NUP160: variants seen among roughly 807,000 people sequenced by gnomAD.
NUP160 encodes the protein nucleoporin 160.
NUP160 carries 94 observed loss-of-function variants against 196.9 expected under a neutral mutation model. The ratio of observed to expected loss-of-function variants is 0.48; its 90% CI spans 0.40 to 0.57. NUP160 has a LOEUF of 0.57. Ranked by LOEUF, NUP160 falls within the 20% of genes least tolerant of loss-of-function variation. The pLI is 0.00. For missense variants in NUP160, 1,638 were observed against 1,748.3 expected (o/e 0.94, Z 1.13); for synonymous variants, 605 against 619.7 (o/e 0.98, Z 0.35).
intron 7 of NUP160, 103 bp downstream of exon 7, chr11:47,835,548 C>T: frequency 1.1e-6 from 1 of 929,812 alleles, no homozygotes; most frequent in Non-Finnish European, 1.5e-6. Context: ...AGAAACACAT[C>T]TAGGTCGGTG....
At chr11:47,809,967 T>C (rs1465707749) in intron 17 of NUP160, among the ~76,000 whole-genome samples, 2 of 151,876 alleles carry the variant, frequency 1.3e-5, no homozygotes, top group Non-Finnish European at 2.9e-5. Context: ...AATTATAAAT[T>C]TTTTAAATTT....
rs1167656821 is a variant in NUP160 at position 47,783,062 on chromosome 11, T to C, written c.4116+11A>G. On this transcript the variant is annotated intron_variant, in intron 34 of 35. Transcript: ENST00000378460. ...ACCATTGTAAATTGGGGACCATTTG[T>C]ATATGCCTACCTCAATTCCGAAGTA... 11 of 1,611,030 alleles carry C rather than the reference T, an allele frequency of 6.8e-6. No individual in the cohort carries two copies. The highest frequency in any genetic ancestry group is 3.4e-5 in the Admixed American group (2 of 59,662).
intron 34 of NUP160, among the ~76,000 whole-genome samples, chr11:47,782,130 A>G (rs2097661229): frequency 6.6e-6 from 1 of 151,268 alleles, no homozygotes; most frequent in African/African-American, 2.4e-5. Context: ...AAAAATATTA[A>G]AAAATTAGCT....
chr11:47,822,311 G>A (rs183173443), intron 7 of NUP160, 147 bp from the exon 8 acceptor site: 17 of 487,496 alleles, frequency 3.5e-5, no homozygotes, highest in African/African-American at 3.4e-4. Flanking sequence ...AGGCTGGAGT[G>A]CAATGGCACG....
At chr11:47,838,307 A>T (rs1432728174) in intron 4 of NUP160, among the ~76,000 whole-genome samples, 3 of 152,188 alleles carry the variant, frequency 2.0e-5, no homozygotes, top group Admixed American at 2.0e-4. Context: ...TGGCTGGTGA[A>T]GAGGGGAAGA....
intron 23 of NUP160, among the ~76,000 whole-genome samples, chr11:47,799,432 C>T (rs994009334): frequency 2.0e-5 from 3 of 152,018 alleles, no homozygotes; most frequent in Admixed American, 6.6e-5. Flanking sequence ...TGCCCGCTAC[C>T]CTAACCATGC....
intron 2 of NUP160, chr11:47,841,374 T>A (rs75847832): frequency 1.5e-3 from 679 of 439,506 alleles, no homozygotes; most frequent in African/African-American, 0.012. Context: ...CATTTTCTTA[T>A]GCAAACTGTG....
chr11:47,831,631 A>T (rs758230672), intron 7 of NUP160, among the ~76,000 whole-genome samples: 57 of 151,428 alleles, frequency 3.8e-4, no homozygotes, highest in Non-Finnish European at 7.1e-4. Flanking sequence ...ATTACCTGAG[A>T]TCAGGAGAGA....
chr11:47,822,790 AT>A (rs1166216743), intron 7 of NUP160, among the ~76,000 whole-genome samples: 1 of 152,132 alleles, frequency 6.6e-6, no homozygotes, highest in Non-Finnish European at 1.5e-5. Context: ...TCATTGTTCA[AT>A]TCCCACCTAT....
At chr11:47,798,293 A>C (rs1274362774) in intron 24 of NUP160, 31 bp from the exon 25 acceptor site, 1 of 1,560,090 alleles carries the variant, frequency 6.4e-7, no homozygotes, top group Non-Finnish European at 8.8e-7. Context: ...AAATATCAAA[A>C]AGAGCAATAG....
At position 47,817,700 on chromosome 11, in the gene NUP160, T is replaced by A. The variant is rs554632954; in HGVS notation, c.1431+356A>T. ...ACCTTCACTGTCCTAATAAAAAGGTTAAAACAGTATAACCAAAACTAAACA... is the reference window on the plus strand; with the variant it reads ...ACCTTCACTGTCCTAATAAAAAGGTAAAAACAGTATAACCAAAACTAAACA... On this transcript the variant is annotated intron_variant, in intron 11 of 35. Transcript: ENST00000378460. Among the ~76,000 whole-genome samples, 9 of 152,256 alleles carry A rather than the reference T, an allele frequency of 5.9e-5. No individual in the cohort carries two copies. The South Asian group carries it at 1.9e-3, about 32-fold the overall frequency.
intron 13 of NUP160, among the ~76,000 whole-genome samples, chr11:47,814,000 G>A (rs1298161044): frequency 6.7e-6 from 1 of 149,574 alleles, no homozygotes; most frequent in African/African-American, 2.5e-5. Context: ...AAACCCAGGA[G>A]GCAGAGGTTG....
exon 36 of NUP160, chr11:47,778,153 G>C (rs974789156): frequency 3.4e-5 from 5 of 146,778 alleles, no homozygotes; most frequent in South Asian, 2.2e-4. Flanking sequence ...ATATGGTATT[G>C]AAAGTATAAA....
chr11:47,784,824 G>A (rs1565185880), intron 33 of NUP160, 98 bp downstream of exon 33: 15 of 930,976 alleles, frequency 1.6e-5, no homozygotes, highest in South Asian at 2.7e-5. Context: ...TGACAGGTAT[G>A]AGCCACTGCA....
At chr11:47,798,674 T>A (rs1040509885) in intron 23 of NUP160, among the ~76,000 whole-genome samples, 59 of 151,964 alleles carry the variant, frequency 3.9e-4, no homozygotes, top group South Asian at 6.2e-4. Context: ...AAAAATTTTT[T>A]TAAAAATTAG....
intron 7 of NUP160, among the ~76,000 whole-genome samples, chr11:47,826,562 C>CG (rs1434749961): frequency 1.2e-4 from 7 of 57,584 alleles, no homozygotes; most frequent in Admixed American, 3.5e-4. Flanking sequence ...GGTAAAAATC[C>CG]CCCCCCCCTT....
chr11:47,806,975 A>G (rs1349380427), intron 19 of NUP160, 95 bp downstream of exon 19: 6 of 874,544 alleles, frequency 6.9e-6, no homozygotes, highest in African/African-American at 1.7e-5. Flanking sequence ...GAGCCTAGCC[A>G]ACCTTTCTAT....
intron 19 of NUP160, 86 bp from the exon 20 acceptor site, chr11:47,806,398 G>A (rs777264417): frequency 1.4e-5 from 15 of 1,087,476 alleles, no homozygotes; most frequent in Admixed American, 9.3e-5. Context: ...TTTTATGCTT[G>A]TAACAAACAA....
chr11:47,791,030 T>C (rs1236366648), intron 29 of NUP160, among the ~76,000 whole-genome samples: 2 of 152,216 alleles, frequency 1.3e-5, no homozygotes, highest in South Asian at 2.1e-4. Context: ...TATGCCTTTT[T>C]TTATAGCAAT....
Sources: allele counts gnomAD v4.1 joint callset (sites outside exome capture counted in the v4.1 genomes callset), GRCh38; gene constraint gnomAD v4.1.1; transcripts MANE v1.5; gene names NCBI Gene and HGNC (gene_info 2026-07-23, HGNC 2026-07-21).